The following NR2F1-AS1 variants were observed in gnomAD, a reference collection of about 807,000 sequenced individuals.
The protein encoded by NR2F1-AS1 is NR2F1 antisense RNA 1.
chr5:93,494,785 T>C, intron 4 of NR2F1-AS1, among the ~76,000 whole-genome samples: 1 of 152,124 alleles, frequency 6.6e-6, no homozygotes, highest in East Asian at 1.9e-4. Flanking sequence ...ACACAAAAAC[T>C]TGCACATGAA....
At chr5:93,540,023 A>G (rs1751917694) in intron 4 of NR2F1-AS1, among the ~76,000 whole-genome samples, 1 of 152,194 alleles carries the variant, frequency 6.6e-6, no homozygotes, top group Admixed American at 6.5e-5. Context: ...AAAGCAAATC[A>G]CTTGGCTCCT....
intron 4 of NR2F1-AS1, among the ~76,000 whole-genome samples, chr5:93,518,258 G>A (rs1751436176): frequency 6.6e-6 from 1 of 152,088 alleles, no homozygotes; most frequent in Non-Finnish European, 1.5e-5. Flanking sequence ...AGTAGACCTA[G>A]TGTCTCCAGA....
chr5:93,485,352 G>T (rs1287008576), intron 4 of NR2F1-AS1, among the ~76,000 whole-genome samples: 1 of 152,172 alleles, frequency 6.6e-6, no homozygotes, highest in Non-Finnish European at 1.5e-5. Context: ...ACCTGCTGCT[G>T]AATGACTATT....
At chr5:93,578,379 C>A (rs2149934015) in intron 1 of NR2F1-AS1, among the ~76,000 whole-genome samples, 1 of 151,890 alleles carries the variant, frequency 6.6e-6, no homozygotes, top group South Asian at 2.1e-4. Context: ...CCAAGCGGAG[C>A]GGTACCTTCT....
chr5:93,440,847 C>A (rs1749553283), intron 4 of NR2F1-AS1, among the ~76,000 whole-genome samples: 1 of 152,138 alleles, frequency 6.6e-6, no homozygotes. Flanking sequence ...CAAATATATT[C>A]TTTTTATCTC....
chr5:93,578,636 C>A (rs1395777658), intron 1 of NR2F1-AS1, among the ~76,000 whole-genome samples: 3 of 152,110 alleles, frequency 2.0e-5, no homozygotes, highest in Non-Finnish European at 4.4e-5. Context: ...AGAACCACGT[C>A]CAGACTCAGC....
chr5:93,518,087 G>A (rs1308050346), intron 4 of NR2F1-AS1, among the ~76,000 whole-genome samples: 2 of 151,998 alleles, frequency 1.3e-5, no homozygotes, highest in African/African-American at 2.4e-5. Context: ...GTGCCACTGT[G>A]CCCACCTTCT....
At chr5:93,471,892 T>C (rs1356784812) in intron 4 of NR2F1-AS1, among the ~76,000 whole-genome samples, 1 of 151,886 alleles carries the variant, frequency 6.6e-6, no homozygotes, top group Non-Finnish European at 1.5e-5. Flanking sequence ...TGAACTTATT[T>C]AACCAATAGC....
rs149140459 is a variant in NR2F1-AS1 at position 93,497,932 on chromosome 5, C to T, written n.638+55829G>A. Among the ~76,000 whole-genome samples, 745 of 152,300 alleles carry T rather than the reference C, an allele frequency of 4.9e-3. 7 individuals carry two copies. Among genetic ancestry groups the T allele is most frequent in the African/African-American group, 0.017 (696 of 41,574 alleles). ...ATTTTCAAGTTTGCCAATCAATGCA[C>T]AGCTTTAAATAGCACATATACCGTT... On this transcript the variant is annotated intron_variant and non_coding_transcript_variant, in intron 4 of 5. Transcript: ENST00000660523.
chr5:93,583,882 T>C (rs1024052636), upstream of NR2F1-AS1: 1 of 152,520 alleles, frequency 6.6e-6, no homozygotes, highest in African/African-American at 2.4e-5. Flanking sequence ...GCGTGAATTA[T>C]CCCGTATTTT....
chr5:93,496,198 C>T (rs1350436422), intron 4 of NR2F1-AS1: 1 of 152,036 alleles, frequency 6.6e-6, no homozygotes, highest in Admixed American at 6.6e-5. Flanking sequence ...AAACAAAAAA[C>T]CCACATTTCA....
chr5:93,555,028 C>T (rs568978394), intron 2 of NR2F1-AS1: 6 of 152,332 alleles, frequency 3.9e-5, no homozygotes, highest in African/African-American at 1.4e-4. Context: ...AATTTTAAGA[C>T]ACCATATAAA....
chr5:93,581,724 CTCTCTCTCT>C (rs1753052231), upstream of NR2F1-AS1, among the ~76,000 whole-genome samples: 1 of 69,024 alleles, frequency 1.4e-5, no homozygotes. Context: ...CTCTCTCTCT[CTCTCTCTCT>C]CCCCCTCTCC....
intron 4 of NR2F1-AS1, among the ~76,000 whole-genome samples, chr5:93,481,946 T>G (rs1750608784): frequency 1.3e-5 from 2 of 152,124 alleles, no homozygotes; most frequent in African/African-American, 4.8e-5. Context: ...TAAACACCTA[T>G]ATTTTTAATA....
At chr5:93,540,662 G>A (rs1319237636) in intron 4 of NR2F1-AS1, among the ~76,000 whole-genome samples, 1 of 152,104 alleles carries the variant, frequency 6.6e-6, no homozygotes, top group Non-Finnish European at 1.5e-5. Flanking sequence ...GTGGAGTTGT[G>A]CTAAAAATCT....
chr5:93,531,798 G>A (rs879820096), intron 4 of NR2F1-AS1, among the ~76,000 whole-genome samples: 1 of 152,152 alleles, frequency 6.6e-6, no homozygotes, highest in African/African-American at 2.4e-5. Context: ...AAACAAACTA[G>A]TAAGGCAGAC....
chr5:93,539,864 A>T (rs1167428994), intron 4 of NR2F1-AS1, among the ~76,000 whole-genome samples: 1 of 152,204 alleles, frequency 6.6e-6, no homozygotes, highest in Non-Finnish European at 1.5e-5. Flanking sequence ...TGTACCCCAT[A>T]AACATATATA....
upstream of NR2F1-AS1, chr5:93,583,869 C>T (rs1465417904): frequency 6.6e-6 from 1 of 152,444 alleles, no homozygotes; most frequent in East Asian, 1.9e-4. Flanking sequence ...GATTTCGTCG[C>T]CGGCGTGAAT....
chr5:93,574,808 C>T (rs758485725), intron 1 of NR2F1-AS1, among the ~76,000 whole-genome samples: 2 of 152,168 alleles, frequency 1.3e-5, no homozygotes, highest in African/African-American at 4.8e-5. Context: ...GACGCCCCAC[C>T]GGAGCTTCCA....
Sources: gnomAD v4.1 joint callset for allele counts (sites outside exome capture counted in the v4.1 genomes callset) on GRCh38, gnomAD v4.1.1 for gene constraint, MANE v1.5 for transcripts, NCBI Gene and HGNC (gene_info 2026-07-23, HGNC 2026-07-21) for gene names.